The following DNAAF4 variants were observed in gnomAD, a reference collection of about 807,000 sequenced individuals.
The protein encoded by DNAAF4 is dynein assembly factor 4, axonemal.
Under a neutral mutation model 51.8 loss-of-function variants are expected in DNAAF4, and 43 were observed. The observed-to-expected ratio is 0.83, with a 90% CI of 0.65 to 1.07. The LOEUF (loss-of-function observed/expected upper bound fraction) is 1.07, where lower values mean the gene tolerates loss of function less well. Ranked by LOEUF, DNAAF4 falls within the 50% of genes least tolerant of loss-of-function variation. The probability of loss-of-function intolerance (pLI) is 0.00; values close to 1 mark genes in which losing one functional copy is unlikely to be tolerated. For missense variants in DNAAF4, 581 were observed against 493.0 expected (o/e 1.18, Z -1.69); for synonymous variants, 194 against 165.6 (o/e 1.17, Z -1.32).
chr15:55,447,724 G>A (rs149310019), intron 6 of DNAAF4, among the ~76,000 whole-genome samples: 5,269 of 148,518 alleles, frequency 0.035, 98 homozygotes, highest in African/African-American at 0.048. Flanking sequence ...GTGGCAGCGA[G>A]CCGAGATCAC....
chr15:55,491,358 C>G (rs528381505), intron 3 of DNAAF4, 102 bp from the exon 4 acceptor site: 4 of 1,177,444 alleles, frequency 3.4e-6, no homozygotes, highest in African/African-American at 3.1e-5. Context: ...TTTCTTTGTA[C>G]CCAACTTCAC....
rs796676119 is a variant in DNAAF4, at chr15:55,496,501, T to C, written c.271+1211A>G. Among the ~76,000 whole-genome samples the C allele has an allele frequency of 4.7e-4, 71 of 152,260 alleles. 1 individual carries two copies. Among genetic ancestry groups the C allele is most frequent in the African/African-American group, 1.7e-3 (70 of 41,542 alleles). ...ATTACTCAAACTTTCCATATGTCAG[T>C]AGCCTCCCCTGTAAAAAAAGGGTAA... On this transcript the variant is annotated intron_variant, in intron 3 of 9. Coordinates refer to ENST00000321149, the MANE Select transcript of DNAAF4 (RefSeq NM_130810.4).
chr15:55,467,488 T>TA (rs1595925025), intron 4 of DNAAF4, among the ~76,000 whole-genome samples: 1 of 151,956 alleles, frequency 6.6e-6, no homozygotes, highest in South Asian at 2.1e-4. Context: ...AAGGGCTTGG[T>TA]AGAAAAAATA....
chr15:55,457,984 A>AGG (rs2058044107), intron 5 of DNAAF4, among the ~76,000 whole-genome samples: 1 of 152,194 alleles, frequency 6.6e-6, no homozygotes, highest in African/African-American at 2.4e-5. Context: ...CCCTAGTGGC[A>AGG]GGGGGAGGGC....
intron 6 of DNAAF4, among the ~76,000 whole-genome samples, 195 bp downstream of exon 6, chr15:55,450,027 C>G (rs1279433465): frequency 6.6e-6 from 1 of 152,064 alleles, no homozygotes; most frequent in Non-Finnish European, 1.5e-5. Flanking sequence ...TCGGTATTCT[C>G]TTATCACTAT....
At chr15:55,443,479 G>C (rs543399566) in intron 6 of DNAAF4, 15 of 544,252 alleles carry the variant, frequency 2.8e-5, no homozygotes, top group African/African-American at 2.1e-4. Flanking sequence ...CCAAGTCTTT[G>C]CTATTGTGAA....
chr15:55,504,818 C>G (rs1272271298), intron 1 of DNAAF4, among the ~76,000 whole-genome samples: 3 of 152,128 alleles, frequency 2.0e-5, no homozygotes, highest in African/African-American at 7.2e-5. Flanking sequence ...CATAAAAACC[C>G]TAGAAGAAAA....
chr15:55,466,860 A>G, intron 5 of DNAAF4, 70 bp downstream of exon 5: 3 of 1,545,592 alleles, frequency 1.9e-6, no homozygotes, highest in South Asian at 1.3e-5. Context: ...ATAGATTTAC[A>G]AAAAAAGAAA....
At chr15:55,466,686 A>G (rs574699177) in intron 5 of DNAAF4, among the ~76,000 whole-genome samples, 1 of 152,206 alleles carries the variant, frequency 6.6e-6, no homozygotes, top group African/African-American at 2.4e-5. Context: ...TTCAAAAGAA[A>G]GCACACAAGC....
chr15:55,433,292 T>C (rs1472565338), intron 8 of DNAAF4, among the ~76,000 whole-genome samples: 1 of 151,466 alleles, frequency 6.6e-6, no homozygotes, highest in Non-Finnish European at 1.5e-5. Context: ...GAGTGAGACT[T>C]TGTCTCACAC....
At position 55,433,950 on chromosome 15, in the gene DNAAF4, A is replaced by ATATTTTATATAATATTTATAATAT. The variant is rs1555413855; in HGVS notation, c.1047+954_1047+955insATATTATAAATATTATATAAAATA. The stretch of plus-strand genomic sequence containing the variant: ...ATATTATATAAAATATATATAATAT[A>ATATTTTATATAATATTTATAATAT]TATAATATATATAATATATTTTATA... On this transcript the variant is annotated intron_variant, in intron 8 of 9. Coordinates refer to ENST00000321149, the MANE Select transcript of DNAAF4 (RefSeq NM_130810.4). Among the ~76,000 whole-genome samples, 92 of 33,160 alleles carry ATATTTTATATAATATTTATAATAT rather than the reference A, an allele frequency of 2.8e-3. 9 individuals are homozygous for ATATTTTATATAATATTTATAATAT. In the East Asian group the frequency reaches 0.053, roughly 19 times the overall value. 21.8% of individuals were successfully genotyped at this position (33,160 alleles called of 152,430 possible).
At position 55,491,265 on chromosome 15, in the gene DNAAF4, T is replaced by C; in HGVS notation, c.272-9A>G. On this transcript the variant is annotated splice_polypyrimidine_tract_variant and intron_variant, in intron 3 of 9. Transcript: ENST00000321149. Reference sequence around the variant, plus strand: ...CATCATCTCTTTGTCAACTAAAATGTACAGAATATTGCTAAATTAGAATTA... The same window carrying C: ...CATCATCTCTTTGTCAACTAAAATGCACAGAATATTGCTAAATTAGAATTA... The C allele has an allele frequency of 6.2e-7, 1 of 1,607,198 alleles. No individual in the cohort carries two copies. Among genetic ancestry groups the C allele is most frequent in the Non-Finnish European group, 8.5e-7 (1 of 1,177,384 alleles).
rs2058568558 is a variant in DNAAF4 at position 55,491,342 on chromosome 15, A to T, written c.272-86T>A. ...AACTACTTAAATAAACTGACCCAGG[A>T]TGAGATTTCTTTGTACCCAACTTCA... On this transcript the variant is annotated intron_variant, in intron 3 of 9. Transcript: ENST00000321149. 2.2e-6 allele frequency: 3 copies of T among 1,376,134 alleles called. No individual in the cohort carries two copies. The South Asian group carries it at 4.1e-5, about 19-fold the overall frequency. The allele number at this position is 1,376,134 out of a possible 1,614,324, so 85.2% of individuals were successfully genotyped here.
downstream of DNAAF4, among the ~76,000 whole-genome samples, chr15:55,426,021 A>C (rs2057427858): frequency 6.6e-6 from 1 of 152,196 alleles, no homozygotes; most frequent in Non-Finnish European, 1.5e-5. Flanking sequence ...GCATTTGGGA[A>C]TCAGAGTTTT....
rs986988922 is a variant in DNAAF4, at chr15:55,465,480, T to A, written c.637+1450A>T. On this transcript the variant is annotated intron_variant, in intron 5 of 9. Transcript: ENST00000321149. ...CATAAAAAGGAATAAAATAATGGCA[T>A]TCTCGGCAACCTGGATGGAGTTGGA... Among the ~76,000 whole-genome samples the A allele has an allele frequency of 4.0e-5, 6 of 151,518 alleles. No homozygotes were observed. In the South Asian group the frequency reaches 1.2e-3, roughly 32 times the overall value.
At chr15:55,418,938 T>TTTTTTGTTG (rs2057363049) in intron 7 of DNAAF4, among the ~76,000 whole-genome samples, 1 of 138,276 alleles carries the variant, frequency 7.2e-6, no homozygotes, top group Non-Finnish European at 1.5e-5. Context: ...TTTTTTTTTT[T>TTTTTTGTTG]GAGTGAGTTG....
chr15:55,506,242 A>G (rs1366194688), intron 1 of DNAAF4, among the ~76,000 whole-genome samples: 1 of 152,254 alleles, frequency 6.6e-6, no homozygotes, highest in Non-Finnish European at 1.5e-5. Context: ...ACACAACCCC[A>G]CAATAAAATG....
chr15:55,507,917 C>G (rs922630146), intron 1 of DNAAF4, among the ~76,000 whole-genome samples: 3 of 152,022 alleles, frequency 2.0e-5, no homozygotes, highest in Non-Finnish European at 2.9e-5. Context: ...TCCTCCCCAC[C>G]ACCACCAGCA....
chr15:55,441,217 G>A (rs1465772816), intron 6 of DNAAF4, among the ~76,000 whole-genome samples: 2 of 150,408 alleles, frequency 1.3e-5, no homozygotes, highest in Admixed American at 1.3e-4. Flanking sequence ...GATTACAGGC[G>A]TGTGCCACCA....
Sources: gnomAD v4.1 joint callset for allele counts (sites outside exome capture counted in the v4.1 genomes callset) on GRCh38, gnomAD v4.1.1 for gene constraint, MANE v1.5 for transcripts, NCBI Gene and HGNC (gene_info 2026-07-23, HGNC 2026-07-21) for gene names.